MGMT: variants seen among roughly 807,000 people sequenced by gnomAD.
MGMT encodes O-6-methylguanine-DNA methyltransferase.
MGMT carries 14 observed loss-of-function variants against 15.9 expected under a neutral mutation model. That is an observed-to-expected ratio of 0.88 (90% CI 0.58 to 1.37). MGMT has a LOEUF of 1.37. MGMT is among the 40% of genes most tolerant of loss of function. MGMT has a pLI of 0.00. For missense variants in MGMT, 282 were observed against 268.1 expected (o/e 1.05, Z -0.36); for synonymous variants, 130 against 118.2 (o/e 1.10, Z -0.65).
At chr10:129,569,262 T>G (rs549942294) in intron 2 of MGMT, among the ~76,000 whole-genome samples, 1 of 152,078 alleles carries the variant, frequency 6.6e-6, no homozygotes, top group African/African-American at 2.4e-5. Flanking sequence ...GATGCTGAAG[T>G]CAGTTTTCTG....
At chr10:129,624,100 G>A (rs1056709987) in intron 2 of MGMT, among the ~76,000 whole-genome samples, 4 of 152,274 alleles carry the variant, frequency 2.6e-5, no homozygotes, top group South Asian at 2.1e-4. Context: ...CAGCGCCTGC[G>A]CGAATCTTCT....
intron 3 of MGMT, chr10:129,717,716 C>A (rs753294234): frequency 6.6e-6 from 1 of 152,158 alleles, no homozygotes; most frequent in South Asian, 2.1e-4. Context: ...GTGGTCCCTC[C>A]GTGCCGCACA....
intron 3 of MGMT, among the ~76,000 whole-genome samples, chr10:129,734,544 C>A (rs534816686): frequency 6.6e-6 from 1 of 151,884 alleles, no homozygotes; most frequent in Non-Finnish European, 1.5e-5. Context: ...TAATTGAATA[C>A]CCTTTATTTC....
Position 129,631,713 on chromosome 10 carries a change from G to T in MGMT, c.126-76182G>T, listed in dbSNP as rs1847211615. ...ATGGTGTGCACCTGTGGTCCCAGCT[G>T]CTCAGGAGGCTGAGGTAGGAAAATC... On this transcript the variant is annotated intron_variant, in intron 2 of 4. Transcript: ENST00000651593. Among the ~76,000 whole-genome samples, 3 of 152,108 alleles carry T rather than the reference G, an allele frequency of 2.0e-5. No homozygotes were observed. In the South Asian group the frequency reaches 6.2e-4, roughly 32 times the overall value.
chr10:129,480,751 A>G (rs1399173452), intron 1 of MGMT, among the ~76,000 whole-genome samples: 1 of 152,216 alleles, frequency 6.6e-6, no homozygotes, highest in African/African-American at 2.4e-5. Context: ...CCCTTTTATC[A>G]TCAGCAGCAG....
At position 129,657,674 on chromosome 10, in the gene MGMT, A is replaced by AACACACACACACAC. The variant is rs60284981; in HGVS notation, c.126-50202_126-50189dup. Among the ~76,000 whole-genome samples the AACACACACACACAC allele has an allele frequency of 4.8e-4, 45 of 93,508 alleles. 1 individual carries two copies. Among genetic ancestry groups the AACACACACACACAC allele is most frequent in the African/African-American group, 1.3e-3 (37 of 27,808 alleles). The allele number at this position is 93,508 out of a possible 152,430, so 61.3% of individuals were successfully genotyped here. A position where few individuals can be genotyped will look rare whatever the true frequency, so the allele number is the denominator to read the frequency against. ...GGGGGACAGGCTGGCCAGCTCCTCC[A>AACACACACACACAC]ACACACACACACACACACACACACA... On this transcript the variant is annotated intron_variant, in intron 2 of 4. Transcript: ENST00000651593.
intron 2 of MGMT, among the ~76,000 whole-genome samples, chr10:129,648,814 A>G (rs887151181): frequency 6.6e-6 from 1 of 152,252 alleles, no homozygotes. Context: ...ATGTTAAGGT[A>G]GCACTTAGAG....
intron 2 of MGMT, among the ~76,000 whole-genome samples, chr10:129,705,011 A>G (rs542351045): frequency 6.6e-6 from 1 of 152,204 alleles, no homozygotes; most frequent in Non-Finnish European, 1.5e-5. Context: ...TCCCCCAACA[A>G]TGGAAGGCAA....
chr10:129,528,588 G>T (rs1480108231), intron 1 of MGMT, among the ~76,000 whole-genome samples: 3 of 151,950 alleles, frequency 2.0e-5, no homozygotes, highest in Admixed American at 6.5e-5. Context: ...TGGCCCTGCC[G>T]AATTTGGGAC....
chr10:129,634,851 T>A (rs1414729073), intron 2 of MGMT, among the ~76,000 whole-genome samples: 6 of 152,240 alleles, frequency 3.9e-5, no homozygotes, highest in African/African-American at 1.4e-4. Context: ...ATTTTCCTGC[T>A]TCTTTGTGTG....
intron 3 of MGMT, among the ~76,000 whole-genome samples, chr10:129,725,791 T>G (rs1288035343): frequency 6.6e-6 from 1 of 152,234 alleles, no homozygotes; most frequent in African/African-American, 2.4e-5. Flanking sequence ...GAGGGGCTTC[T>G]GCAGGCAGAG....
chr10:129,684,472 T>C (rs1476818681), intron 2 of MGMT, among the ~76,000 whole-genome samples: 1 of 152,360 alleles, frequency 6.6e-6, no homozygotes, highest in Non-Finnish European at 1.5e-5. Context: ...TTTCCACAAA[T>C]ACAAATCCTC....
At chr10:129,474,378 C>G (rs1052132593) in intron 1 of MGMT, among the ~76,000 whole-genome samples, 8 of 152,180 alleles carry the variant, frequency 5.3e-5, no homozygotes, top group Non-Finnish European at 1.0e-4. Flanking sequence ...ACCCTGGTGG[C>G]TTCTGGTGAG....
At chr10:129,514,214 G>A (rs901815226) in intron 1 of MGMT, among the ~76,000 whole-genome samples, 1 of 151,404 alleles carries the variant, frequency 6.6e-6, no homozygotes, top group African/African-American at 2.4e-5. Context: ...CCTCGTGATA[G>A]TGAGAATATA....
chr10:129,626,102 G>T (rs538049544), intron 2 of MGMT, among the ~76,000 whole-genome samples: 1 of 152,304 alleles, frequency 6.6e-6, no homozygotes, highest in African/African-American at 2.4e-5. Flanking sequence ...CAACGGGGCA[G>T]CCACTGTTAC....
At chr10:129,499,023 C>T (rs1434804944) in intron 1 of MGMT, among the ~76,000 whole-genome samples, 3 of 152,234 alleles carry the variant, frequency 2.0e-5, no homozygotes, top group Admixed American at 6.5e-5. Flanking sequence ...TAATCTCTGC[C>T]TTTCCTCTTT....
chr10:129,555,976 C>T (rs1270301444), intron 2 of MGMT, among the ~76,000 whole-genome samples: 3 of 152,280 alleles, frequency 2.0e-5, no homozygotes, highest in Admixed American at 6.5e-5. Flanking sequence ...CTCCTCAAAA[C>T]GGGGCACCCT....
intron 1 of MGMT, among the ~76,000 whole-genome samples, chr10:129,493,404 G>A (rs1845489097): frequency 6.6e-6 from 1 of 152,090 alleles, no homozygotes. Context: ...TTTTCCAAGT[G>A]CCCCGATTCT....
chr10:129,608,621 C>T (rs1318494798), intron 2 of MGMT, among the ~76,000 whole-genome samples: 1 of 152,350 alleles, frequency 6.6e-6, no homozygotes, highest in Non-Finnish European at 1.5e-5. Context: ...TATAATTATA[C>T]GCTCTTCGAT....
Sources: gnomAD v4.1 joint callset for allele counts (sites outside exome capture counted in the v4.1 genomes callset) on GRCh38, gnomAD v4.1.1 for gene constraint, MANE v1.5 for transcripts, NCBI Gene and HGNC (gene_info 2026-07-23, HGNC 2026-07-21) for gene names.